Variants in C12orf42 observed in about 807,000 individuals in gnomAD.
The protein encoded by C12orf42 is uncharacterized protein C12orf42.
In C12orf42, 25 loss-of-function variants were observed where a neutral mutation model predicts 21.6. That is an observed-to-expected ratio of 1.16 (90% CI 0.84 to 1.62). C12orf42 has a LOEUF of 1.62. Ranked by LOEUF, C12orf42 falls within the 40% of genes most tolerant of loss-of-function variation. The pLI is 0.00. For missense variants in C12orf42, 483 were observed against 459.3 expected (o/e 1.05, Z -0.47); for synonymous variants, 174 against 175.0 (o/e 0.99, Z 0.05).
rs138390735 is a variant in C12orf42 at position 103,415,994 on chromosome 12, A to G, written c.79-14319T>C. ...CTTTTCAGATGGGTCTACATGATTT[A>G]GCAGGTGATTACTGAGGCACCATTG... On this transcript the variant is annotated intron_variant, in intron 2 of 5. Transcript: ENST00000548883. Among the ~76,000 whole-genome samples the G allele has an allele frequency of 7.4e-3, 1,110 of 149,834 alleles. 7 individuals are homozygous for G. The highest frequency in any genetic ancestry group is 0.013 in the Non-Finnish European group (848 of 67,642).
chr12:103,047,640 AC>A, the C12orf42 span, among the ~76,000 whole-genome samples: 1 of 152,200 alleles, frequency 6.6e-6, no homozygotes, highest in Non-Finnish European at 1.5e-5. Flanking sequence ...GCTTAAAACA[AC>A]CATTTATTTG....
At chr12:103,200,885 C>T in the C12orf42 span, among the ~76,000 whole-genome samples, 5 of 152,186 alleles carry the variant, frequency 3.3e-5, no homozygotes, top group Non-Finnish European at 5.9e-5. Flanking sequence ...ACAATCAACA[C>T]ATTTTTGCCA....
intron 2 of C12orf42, among the ~76,000 whole-genome samples, chr12:103,458,708 T>C (rs1267305735): frequency 1.3e-5 from 2 of 152,158 alleles, no homozygotes; most frequent in African/African-American, 4.8e-5. Flanking sequence ...GTTTCTTGGA[T>C]GGACCACAGG....
chr12:103,423,618 T>C (rs1486473994), intron 2 of C12orf42, among the ~76,000 whole-genome samples: 2 of 152,232 alleles, frequency 1.3e-5, no homozygotes, highest in African/African-American at 4.8e-5. Context: ...TTCCATTGCA[T>C]GTTCACTGGG....
At chr12:103,490,653 G>T (rs377348526) in intron 1 of C12orf42, among the ~76,000 whole-genome samples, 1 of 151,780 alleles carries the variant, frequency 6.6e-6, no homozygotes, top group Non-Finnish European at 1.5e-5. Flanking sequence ...GCAATGATAG[G>T]TCTCCTTGTT....
chr12:103,113,885 G>C, the C12orf42 span, among the ~76,000 whole-genome samples: 1 of 152,144 alleles, frequency 6.6e-6, no homozygotes, highest in Non-Finnish European at 1.5e-5. Flanking sequence ...TTTCCAACCA[G>C]GTTGCACATT....
intron 10 of C12orf42, among the ~76,000 whole-genome samples, chr12:103,249,171 GT>G (rs1177839302): frequency 3.3e-5 from 5 of 152,052 alleles, no homozygotes; most frequent in Non-Finnish European, 7.4e-5. Flanking sequence ...GAGGATTGGA[GT>G]TAGTTTGGGG....
downstream of C12orf42, among the ~76,000 whole-genome samples, chr12:103,300,749 T>C (rs1461148539): frequency 6.6e-6 from 1 of 152,224 alleles, no homozygotes; most frequent in Non-Finnish European, 1.5e-5. Context: ...CTAACACATT[T>C]ATCTCCAACC....
chr12:103,191,102 C>T, the C12orf42 span, among the ~76,000 whole-genome samples: 4 of 152,160 alleles, frequency 2.6e-5, no homozygotes, highest in South Asian at 2.1e-4. Context: ...GAGTAGTTTG[C>T]GTATATTCAC....
intron 2 of C12orf42, among the ~76,000 whole-genome samples, chr12:103,443,741 G>A (rs1040856603): frequency 2.0e-5 from 3 of 151,982 alleles, no homozygotes; most frequent in Non-Finnish European, 4.4e-5. Context: ...AGCAGGGTTG[G>A]CACATACCAT....
At chr12:103,420,593 G>A (rs1036770635) in intron 2 of C12orf42, among the ~76,000 whole-genome samples, 6 of 151,864 alleles carry the variant, frequency 4.0e-5, no homozygotes, top group East Asian at 3.9e-4. Context: ...GCAATGTCAC[G>A]ATCTCTGCTC....
At chr12:103,174,421 G>C in the C12orf42 span, among the ~76,000 whole-genome samples, 1 of 152,144 alleles carries the variant, frequency 6.6e-6, no homozygotes, top group South Asian at 2.1e-4. Flanking sequence ...TTTTATATGT[G>C]TTAAGTAACA....
intron 3 of C12orf42, among the ~76,000 whole-genome samples, chr12:103,375,053 T>A (rs192227396): frequency 6.6e-5 from 10 of 152,302 alleles, no homozygotes; most frequent in African/African-American, 2.4e-4. Context: ...ATGTAAGTAG[T>A]AAGCCATGGA....
chr12:103,100,873 A>G, the C12orf42 span, among the ~76,000 whole-genome samples: 1 of 152,214 alleles, frequency 6.6e-6, no homozygotes, highest in African/African-American at 2.4e-5. Context: ...AAGATATATA[A>G]GGCAAAGAGG....
the C12orf42 span, among the ~76,000 whole-genome samples, chr12:103,152,134 A>G: frequency 4.4e-4 from 67 of 152,356 alleles, no homozygotes; most frequent in African/African-American, 1.5e-3. Flanking sequence ...AACTGAAAGG[A>G]ACTGAATTCT....
chr12:103,241,681 A>G (rs985019441), intron 10 of C12orf42, among the ~76,000 whole-genome samples: 3 of 152,168 alleles, frequency 2.0e-5, no homozygotes, highest in African/African-American at 7.2e-5. Flanking sequence ...TTAAAATTGT[A>G]TCTTCATTCA....
the C12orf42 span, among the ~76,000 whole-genome samples, chr12:103,191,677 A>C: frequency 2.1e-4 from 31 of 149,658 alleles, no homozygotes; most frequent in Non-Finnish European, 4.4e-4. Flanking sequence ...GGAGGTCCAG[A>C]CTCTGCAGTG....
chr12:103,315,809 C>T (rs952404759), intron 4 of C12orf42, among the ~76,000 whole-genome samples: 4 of 152,036 alleles, frequency 2.6e-5, no homozygotes, highest in African/African-American at 9.7e-5. Context: ...ATGGTGACTA[C>T]AGTTAATAAC....
chr12:103,149,711 T>C, the C12orf42 span, among the ~76,000 whole-genome samples: 1 of 152,180 alleles, frequency 6.6e-6, no homozygotes, highest in African/African-American at 2.4e-5. Flanking sequence ...CTTGCTCCCC[T>C]TTGCTTTCTG....
Sources: gnomAD v4.1 joint callset for allele counts (sites outside exome capture counted in the v4.1 genomes callset) on GRCh38, gnomAD v4.1.1 for gene constraint, MANE v1.5 for transcripts, NCBI Gene and HGNC (gene_info 2026-07-23, HGNC 2026-07-21) for gene names.